The following THEMIS variants were observed in gnomAD, a reference collection of about 807,000 sequenced individuals.
THEMIS encodes protein THEMIS.
THEMIS carries 37 observed loss-of-function variants against 52.6 expected under a neutral mutation model. That is an observed-to-expected ratio of 0.70 (90% CI 0.54 to 0.93). THEMIS has a LOEUF of 0.93. Among genes scored for constraint, THEMIS ranks in the 40% least tolerant of loss-of-function variants. The pLI, the probability that THEMIS is intolerant of heterozygous loss-of-function variation, is 0.00. For missense variants in THEMIS, 808 were observed against 763.1 expected, an observed-to-expected ratio of 1.06 and a Z score of -0.69; for synonymous variants, 292 against 272.7, an observed-to-expected ratio of 1.07 and a Z score of -0.70.
At chr6:127,800,485 T>C (rs924396907) in intron 4 of THEMIS, among the ~76,000 whole-genome samples, 1 of 152,196 alleles carries the variant, frequency 6.6e-6, no homozygotes, top group Non-Finnish European at 1.5e-5. Context: ...ACTCAGAAAT[T>C]TCAAACCAAA....
At chr6:127,886,758 AC>A (rs1419561298) in intron 1 of THEMIS, among the ~76,000 whole-genome samples, 8 of 152,162 alleles carry the variant, frequency 5.3e-5, no homozygotes, top group Non-Finnish European at 1.2e-4. Flanking sequence ...ATATGTCTCC[AC>A]TGGGAGAGGA....
At chr6:127,905,928 A>G (rs552277619), upstream of THEMIS, among the ~76,000 whole-genome samples, 73 of 150,492 alleles carry the variant, frequency 4.9e-4, no homozygotes, top group Non-Finnish European at 9.1e-4. Context: ...ACTCAATTAT[A>G]CTCTTAAAAT....
chr6:127,878,752 AC>A (rs1780390195), intron 1 of THEMIS, among the ~76,000 whole-genome samples: 1 of 152,230 alleles, frequency 6.6e-6, no homozygotes, highest in South Asian at 2.1e-4. Context: ...TCTGAATATT[AC>A]TGAGCAGTGA....
At chr6:127,863,683 T>C (rs1030691195) in intron 1 of THEMIS, among the ~76,000 whole-genome samples, 2 of 152,172 alleles carry the variant, frequency 1.3e-5, no homozygotes, top group African/African-American at 4.8e-5. Flanking sequence ...AATGGCATCC[T>C]TGGAGTTGTG....
chr6:127,837,638 A>G (rs1002049483), intron 2 of THEMIS, among the ~76,000 whole-genome samples: 1 of 151,896 alleles, frequency 6.6e-6, no homozygotes, highest in Non-Finnish European at 1.5e-5. Context: ...ATATATATCT[A>G]TATATATTCT....
intron 4 of THEMIS, among the ~76,000 whole-genome samples, chr6:127,758,179 TTTAA>T (rs1289471265): frequency 6.6e-6 from 1 of 150,758 alleles, no homozygotes; most frequent in Non-Finnish European, 1.5e-5. Flanking sequence ...TAAGATGTAA[TTTAA>T]AAGGAGGGAG....
chr6:127,711,522 T>C (rs182198054), intron 5 of THEMIS, among the ~76,000 whole-genome samples: 1 of 152,092 alleles, frequency 6.6e-6, no homozygotes, highest in African/African-American at 2.4e-5. Context: ...GGGTTGATGG[T>C]GAAGAGAACC....
At chr6:127,893,005 G>T (rs1047822355) in intron 1 of THEMIS, among the ~76,000 whole-genome samples, 5 of 151,964 alleles carry the variant, frequency 3.3e-5, no homozygotes, top group African/African-American at 1.2e-4. Context: ...GATATTTATA[G>T]TCTGTTTGCT....
chr6:127,815,600 G>T (rs1778100870), intron 3 of THEMIS, among the ~76,000 whole-genome samples: 1 of 152,186 alleles, frequency 6.6e-6, no homozygotes, highest in African/African-American at 2.4e-5. Context: ...GAAAAAAAAG[G>T]AGGGTTGAAA....
In THEMIS at chr6:127,784,477, A is replaced by G. The variant is rs540077521; in HGVS notation, c.1758+28406T>C. Among the ~76,000 whole-genome samples the G allele has an allele frequency of 3.3e-5, 5 of 152,304 alleles. No individual in the cohort carries two copies. The South Asian group carries it at 1.0e-3, about 32-fold the overall frequency. On this transcript the variant is annotated intron_variant, in intron 4 of 5. Transcript: ENST00000368248. ...TCAGTCTGCCTGAACTGAATGAAGT[A>G]CATACCTATCTCCAGAACAAATGTG...
intron 1 of THEMIS, among the ~76,000 whole-genome samples, chr6:127,912,047 G>A (rs1781424809): frequency 6.6e-6 from 1 of 152,142 alleles, no homozygotes; most frequent in South Asian, 2.1e-4. Context: ...GCCAGAAGAT[G>A]GGAAGTACCC....
upstream of THEMIS, among the ~76,000 whole-genome samples, chr6:127,901,642 TTTC>T (rs2114507168): frequency 6.6e-6 from 1 of 152,150 alleles, no homozygotes; most frequent in South Asian, 2.1e-4. Context: ...TAAAATGAGT[TTTC>T]TAATCTCTAC....
At chr6:127,832,347 A>G (rs1778723520) in intron 2 of THEMIS, among the ~76,000 whole-genome samples, 2 of 152,202 alleles carry the variant, frequency 1.3e-5, no homozygotes, top group South Asian at 4.1e-4. Context: ...ACAGTTTAGC[A>G]TACTAAAGTG....
At chr6:127,862,450 T>TTTTTTTTTTC in intron 1 of THEMIS, among the ~76,000 whole-genome samples, 1 of 132,528 alleles carries the variant, frequency 7.5e-6, no homozygotes, top group Middle Eastern at 3.7e-3. Flanking sequence ...TTTTTTTTTT[T>TTTTTTTTTTC]GCTCTGTTGC....
chr6:127,704,865 AT>A (rs1038089858), downstream of THEMIS, among the ~76,000 whole-genome samples: 11 of 152,218 alleles, frequency 7.2e-5, no homozygotes, highest in African/African-American at 2.7e-4. Context: ...TAAACAACTA[AT>A]AAAATGAAGT....
chr6:127,859,971 A>T (rs1259262976), intron 1 of THEMIS, among the ~76,000 whole-genome samples: 1 of 152,148 alleles, frequency 6.6e-6, no homozygotes, highest in Non-Finnish European at 1.5e-5. Flanking sequence ...CATCCCTCTA[A>T]AGGAAATGTT....
At chr6:127,765,303 G>A (rs956015881) in intron 4 of THEMIS, among the ~76,000 whole-genome samples, 3 of 151,970 alleles carry the variant, frequency 2.0e-5, no homozygotes, top group East Asian at 1.9e-4. Context: ...AGTTTGCATC[G>A]TGTCATGAAT....
intron 1 of THEMIS, among the ~76,000 whole-genome samples, chr6:127,868,767 A>T (rs1034857185): frequency 1.9e-4 from 29 of 152,190 alleles, no homozygotes; most frequent in African/African-American, 6.5e-4. Context: ...TTGGCTGAGA[A>T]GTAACTATTA....
rs1302732600 is a variant in THEMIS, at chr6:127,708,812, A to C, written c.*1173T>G. On this transcript the variant is annotated 3_prime_UTR_variant, in exon 6 of 6. Transcript: ENST00000368248. ...AAAAACTCTAATTTTTTTTGTTCTA[A>C]AGTTGACTCACAATTTATTGTCTTC... 6.6e-6 allele frequency: 1 copy of C among 151,944 alleles called. No individual in the cohort carries two copies. Among genetic ancestry groups the C allele is most frequent in the African/African-American group, 2.4e-5 (1 of 41,384 alleles). 9.4% of individuals were successfully genotyped at this position (151,944 alleles called of 1,614,324 possible).
Sources: gnomAD v4.1 joint callset for allele counts (sites outside exome capture counted in the v4.1 genomes callset) on GRCh38, gnomAD v4.1.1 for gene constraint, MANE v1.5 for transcripts, NCBI Gene and HGNC (gene_info 2026-07-23, HGNC 2026-07-21) for gene names.